RGS7: variants seen among roughly 807,000 people sequenced by gnomAD.
The protein encoded by RGS7 is regulator of G protein signaling 7, also known as regulator of G-protein signaling 7.
Under a neutral mutation model 81.1 loss-of-function variants are expected in RGS7, and 27 were observed. The observed-to-expected ratio is 0.33, with a 90% confidence interval of 0.25 to 0.46. RGS7 has a LOEUF of 0.46. Ranked by LOEUF, RGS7 falls within the 20% of genes least tolerant of loss-of-function variation. The pLI, the probability that RGS7 is intolerant of heterozygous loss-of-function variation, is 1.00. For missense variants in RGS7, 396 were observed against 607.4 expected (o/e 0.65, Z 3.66); for synonymous variants, 208 against 207.7 (o/e 1.00, Z -0.01).
At chr1:241,293,232 G>A (rs1222588411) in intron 2 of RGS7, among the ~76,000 whole-genome samples, 1 of 152,134 alleles carries the variant, frequency 6.6e-6, no homozygotes, top group African/African-American at 2.4e-5. Context: ...AACACACTAA[G>A]CTGCTAGTTG....
At chr1:241,093,851 A>G (rs1256791666) in intron 3 of RGS7, among the ~76,000 whole-genome samples, 1 of 151,648 alleles carries the variant, frequency 6.6e-6, no homozygotes, top group East Asian at 1.9e-4. Context: ...TTTTGCAACC[A>G]TAAATACTTT....
intron 2 of RGS7, among the ~76,000 whole-genome samples, chr1:241,179,448 G>A (rs949179857): frequency 6.6e-6 from 1 of 152,164 alleles, no homozygotes; most frequent in Non-Finnish European, 1.5e-5. Flanking sequence ...TCAGTGTTAA[G>A]AGATTAGCCC....
chr1:241,058,329 G>A (rs550773957), intron 3 of RGS7, among the ~76,000 whole-genome samples: 1 of 152,270 alleles, frequency 6.6e-6, no homozygotes, highest in African/African-American at 2.4e-5. Context: ...GTGTATGTGC[G>A]CAGCTCACCC....
intron 3 of RGS7, among the ~76,000 whole-genome samples, chr1:241,071,728 G>T (rs1487150918): frequency 6.6e-6 from 1 of 151,410 alleles, no homozygotes; most frequent in Admixed American, 6.6e-5. Context: ...AAAAAAATTA[G>T]CTGGGCATGG....
intron 18 of RGS7, among the ~76,000 whole-genome samples, chr1:240,778,823 C>T (rs1335568141): frequency 3.3e-5 from 5 of 152,204 alleles, no homozygotes; most frequent in African/African-American, 1.2e-4. Flanking sequence ...CAAGCCACTG[C>T]GCCCGGCTGA....
chr1:241,233,050 C>T (rs967481827), intron 2 of RGS7, among the ~76,000 whole-genome samples: 3 of 152,062 alleles, frequency 2.0e-5, no homozygotes, highest in African/African-American at 7.2e-5. Context: ...ATATAGTCCC[C>T]ACCTGCTACT....
At chr1:240,918,719 G>A (rs2148289105) in intron 6 of RGS7, among the ~76,000 whole-genome samples, 1 of 151,076 alleles carries the variant, frequency 6.6e-6, no homozygotes, top group East Asian at 2.0e-4. Flanking sequence ...CCAAACAGAA[G>A]AAAACAAATA....
chr1:241,314,407 A>G (rs2080740559), intron 2 of RGS7, among the ~76,000 whole-genome samples: 1 of 152,222 alleles, frequency 6.6e-6, no homozygotes, highest in Non-Finnish European at 1.5e-5. Context: ...AACAATTTTT[A>G]GCAATAAAGA....
In RGS7 at chr1:240,868,602, G is replaced by A. The variant is rs780951806; in HGVS notation, c.594C>T (p.Asp198=). 39 of 1,614,006 alleles carry A rather than the reference G, an allele frequency of 2.4e-5. 2 individuals carry two copies. In the South Asian group the frequency reaches 2.7e-4, roughly 11 times the overall value. Residue 198 remains aspartate (D), a synonymous_variant, in exon 9 of 19, where the codon GAC becomes GAT. Coordinates refer to ENST00000440928, the MANE Select transcript of RGS7 (RefSeq NM_001364886.1). The surrounding 1 kb of genome is among the most constrained non-coding windows in gnomAD (Gnocchi z 5.1). ...GCTTGCTTACCACGGGCCTGTGCAC[G>A]TCCCAGAACGCTCTCTCTTGGCTGT... ...ILDSQERAFW[D]VHRPVPGCVN...
Position 241,164,873 on chromosome 1 carries a change from G to C in RGS7, c.79-66111C>G, listed in dbSNP as rs957934547. Among the ~76,000 whole-genome samples the C allele has an allele frequency of 5.9e-5, 9 of 152,122 alleles. No individual in the cohort carries two copies. The highest frequency in any genetic ancestry group is 8.8e-5 in the Non-Finnish European group (6 of 68,022). ...GGAACTATTCTCAGAATTGCCCATA[G>C]GTCTTATATAATCTGAACATCACAA... On this transcript the variant is annotated intron_variant, in intron 2 of 18. Coordinates refer to ENST00000440928, the MANE Select transcript of RGS7 (RefSeq NM_001364886.1). This position sits in a 1 kb window ranked among gnomAD's most constrained non-coding sequence, Gnocchi z 4.1.
intron 6 of RGS7, chr1:240,920,044 A>C: frequency 1.8e-6 from 2 of 1,091,208 alleles, no homozygotes; most frequent in Non-Finnish European, 2.8e-6. Flanking sequence ...GGAAAAATTG[A>C]AGGGATTGAA....
intron 2 of RGS7, among the ~76,000 whole-genome samples, chr1:241,106,755 CACACACACACA>C (rs2065140415): frequency 1.6e-5 from 2 of 123,410 alleles, no homozygotes; most frequent in Non-Finnish European, 3.5e-5. Context: ...ACCACCACCA[CACACACACACA>C]CACACACACA....
intron 2 of RGS7, among the ~76,000 whole-genome samples, chr1:241,226,798 A>G (rs2075334175): frequency 6.6e-6 from 1 of 152,192 alleles, no homozygotes; most frequent in Non-Finnish European, 1.5e-5. Flanking sequence ...CTATTTCCCA[A>G]ATTCTTTATG....
At chr1:240,841,385 G>T (rs1657960816) in intron 9 of RGS7, among the ~76,000 whole-genome samples, 1 of 152,122 alleles carries the variant, frequency 6.6e-6, no homozygotes, top group African/African-American at 2.4e-5. Context: ...CTTTACCCGG[G>T]TGTGCAATGG....
chr1:240,996,677 CCTGA>C (rs1166076146), intron 3 of RGS7, among the ~76,000 whole-genome samples: 2 of 152,134 alleles, frequency 1.3e-5, no homozygotes, highest in East Asian at 1.9e-4. Flanking sequence ...TTACTTACAA[CCTGA>C]CTATGTTGTT....
intron 3 of RGS7, among the ~76,000 whole-genome samples, chr1:240,996,982 C>A (rs1292068034): frequency 6.6e-6 from 1 of 151,860 alleles, no homozygotes; most frequent in African/African-American, 2.4e-5. Flanking sequence ...TACAGTCTTG[C>A]TTTGTCACCC....
chr1:240,804,035 A>C (rs1437214072), intron 15 of RGS7, among the ~76,000 whole-genome samples: 1 of 152,122 alleles, frequency 6.6e-6, no homozygotes, highest in Non-Finnish European at 1.5e-5. Flanking sequence ...ACTGTATGGG[A>C]ATTTGTTTGA....
chr1:240,776,578 T>C (rs970608641), intron 18 of RGS7, among the ~76,000 whole-genome samples: 2 of 152,190 alleles, frequency 1.3e-5, no homozygotes, highest in Non-Finnish European at 2.9e-5. Flanking sequence ...ATTATAAACA[T>C]GTTACAACAA....
chr1:241,221,862 A>G (rs779640605), intron 2 of RGS7, among the ~76,000 whole-genome samples: 2 of 152,108 alleles, frequency 1.3e-5, no homozygotes, highest in Non-Finnish European at 2.9e-5. Flanking sequence ...ACATAAGCCA[A>G]TTCCTTAAAA....
Sources: allele counts gnomAD v4.1 joint callset (sites outside exome capture counted in the v4.1 genomes callset), GRCh38; gene constraint gnomAD v4.1.1; non-coding constraint Gnocchi (gnomAD v3.1); transcripts MANE v1.5; gene names NCBI Gene and HGNC (gene_info 2026-07-23, HGNC 2026-07-21).